The following TMEM255B variants were observed in gnomAD, a reference collection of about 807,000 sequenced individuals.
TMEM255B encodes the protein transmembrane protein 255B.
TMEM255B carries 35 observed loss-of-function variants against 34.5 expected under a neutral mutation model. The ratio of observed to expected loss-of-function variants is 1.01; its 90% CI spans 0.77 to 1.34. The LOEUF is 1.34. Among genes scored for constraint, TMEM255B ranks in the 40% most tolerant of loss-of-function variants. The pLI, the probability that TMEM255B is intolerant of heterozygous loss-of-function variation, is 0.00. For synonymous variants in TMEM255B, 206 were observed against 201.2 expected (o/e 1.02, Z -0.20); for missense variants, 432 against 433.2 (o/e 1.00, Z 0.02).
chr13:113,790,656 G>A (rs111759234), intron 3 of TMEM255B, among the ~76,000 whole-genome samples: 1 of 142,760 alleles, frequency 7.0e-6, no homozygotes, highest in Non-Finnish European at 1.5e-5. Flanking sequence ...TGGACTGACC[G>A]GACACGTGGA....
chr13:113,812,217 T>G lies in TMEM255B; in HGVS notation c.*314T>G. The G allele has an allele frequency of 2.5e-6, 1 of 393,938 alleles. No individual in the cohort carries two copies. The highest frequency in any genetic ancestry group is 5.1e-5 in the East Asian group (1 of 19,578). 24.4% of individuals were successfully genotyped at this position (393,938 alleles called of 1,614,324 possible). On this transcript the variant is annotated 3_prime_UTR_variant, in exon 9 of 9. Coordinates refer to ENST00000375353, the MANE Select transcript of TMEM255B (RefSeq NM_182614.4). ...TTCACATCCCTTAATTAATTAGCTA[T>G]TATTATGATTTTGCAAAGACAGTGC...
chr13:113,789,483 G>A (rs545438403), intron 3 of TMEM255B, among the ~76,000 whole-genome samples: 1 of 152,338 alleles, frequency 6.6e-6, no homozygotes, highest in Non-Finnish European at 1.5e-5. Flanking sequence ...GAGAAAAGTC[G>A]TGACAGAGCC....
intron 7 of TMEM255B, 56 bp downstream of exon 7, chr13:113,801,868 A>G (rs542035464): frequency 1.3e-6 from 2 of 1,498,004 alleles, no homozygotes; most frequent in East Asian, 4.9e-5. Flanking sequence ...CTCCGGGTCC[A>G]TTTCCCCGGG....
chr13:113,802,145 C>T lies in TMEM255B; in HGVS notation c.669+333C>T, dbSNP rs183348726. 7.2e-5 allele frequency among the ~76,000 whole-genome samples: 11 copies of T among 152,344 alleles called. No individual in the cohort carries two copies. The East Asian group carries it at 2.1e-3, about 29-fold the overall frequency. ...CATCATTAGCAACTGCCTGGGGCTTCAGATGGGCAGGTCTGGGCTGGGGCT... is the reference window on the plus strand; with the variant it reads ...CATCATTAGCAACTGCCTGGGGCTTTAGATGGGCAGGTCTGGGCTGGGGCT... On this transcript the variant is annotated intron_variant, in intron 7 of 8. Transcript: ENST00000375353.
In TMEM255B at chr13:113,811,852, C is replaced by T. The variant is rs551269687; in HGVS notation, c.930C>T (p.Tyr310=). The change falls in exon 9 of 9, where the codon TAC becomes TAT. Residue 310 remains tyrosine, a synonymous_variant. Coordinates refer to ENST00000375353, the MANE Select transcript of TMEM255B (RefSeq NM_182614.4). ...TTCCCGGCCAGGCTCCACCGTGCTACGCACCCACCTACTTTCCCCCGGGGG... is the reference window on the plus strand; with the variant it reads ...TTCCCGGCCAGGCTCCACCGTGCTATGCACCCACCTACTTTCCCCCGGGGG... The part of the protein sequence containing the change: ...SGLPGQAPPC[Y]APTYFPPGEK... The T allele has an allele frequency of 3.1e-5, 50 of 1,613,840 alleles. No individual in the cohort carries two copies. The highest frequency in any genetic ancestry group is 2.7e-4 in the East Asian group (12 of 44,886).
rs1028360664 is a variant in TMEM255B at position 113,770,669 on chromosome 13, C to G, written c.252+1509C>G. 1.9e-4 allele frequency among the ~76,000 whole-genome samples: 29 copies of G among 152,180 alleles called. No individual in the cohort carries two copies. The highest frequency in any genetic ancestry group is 6.5e-4 in the African/African-American group (27 of 41,448). Reference sequence around the variant, plus strand: ...CCGGCATTTCCTCTCCCACCCACCCCCTGTTGTTGGCTCCCGAGGGTGGGC... The same window carrying G: ...CCGGCATTTCCTCTCCCACCCACCCGCTGTTGTTGGCTCCCGAGGGTGGGC... On this transcript the variant is annotated intron_variant, in intron 3 of 8. Transcript: ENST00000375353. This position sits in a 1 kb window ranked among gnomAD's most constrained non-coding sequence, Gnocchi z 4.6.
rs562877947 is a variant in TMEM255B at position 113,806,185 on chromosome 13, C to T, written c.813+1157C>T. Among the ~76,000 whole-genome samples the T allele has an allele frequency of 3.3e-5, 5 of 152,270 alleles. No individual in the cohort carries two copies. The highest frequency in any genetic ancestry group is 2.1e-4 in the South Asian group (1 of 4,826). ...AGGACAGAGAGGGCTCAGGTTTGAG[C>T]GGGGCCCGAGAGCCACGACCTTCTC... is the stretch of plus-strand genomic sequence containing the variant. On this transcript the variant is annotated intron_variant, in intron 8 of 8. Coordinates refer to ENST00000375353, the MANE Select transcript of TMEM255B (RefSeq NM_182614.4). The surrounding 1 kb of genome is among the most constrained non-coding windows in gnomAD (Gnocchi z 4.2).
chr13:113,762,059 C>T (rs1046732577), intron 1 of TMEM255B, among the ~76,000 whole-genome samples: 4 of 149,804 alleles, frequency 2.7e-5, no homozygotes, highest in Admixed American at 2.0e-4. Flanking sequence ...CACTTAGGAG[C>T]ACTTTAATTT....
chr13:113,765,285 T>G (rs899865229), intron 1 of TMEM255B, among the ~76,000 whole-genome samples: 2 of 152,210 alleles, frequency 1.3e-5, no homozygotes, highest in Non-Finnish European at 2.9e-5. Context: ...TATAGTTTTG[T>G]GAAACTCATT....
At chr13:113,787,613 T>G (rs570288153) in intron 3 of TMEM255B, among the ~76,000 whole-genome samples, 66 of 152,160 alleles carry the variant, frequency 4.3e-4, no homozygotes, top group African/African-American at 1.6e-3. Flanking sequence ...AGGTCAGACG[T>G]GAAGAAGGGA....
At chr13:113,793,682 C>T (rs1313197353) in intron 3 of TMEM255B, among the ~76,000 whole-genome samples, 1 of 152,248 alleles carries the variant, frequency 6.6e-6, no homozygotes, top group Non-Finnish European at 1.5e-5. Context: ...CCCCAGTTGA[C>T]AGCTCTTCCT....
At chr13:113,768,947 G>A (rs1287135939) in intron 2 of TMEM255B, 151 bp from the exon 3 acceptor site, 2 of 784,522 alleles carry the variant, frequency 2.5e-6, no homozygotes, top group Admixed American at 2.0e-5. Flanking sequence ...CGCACCTGCT[G>A]CTCAGTGGTT....
rs2050436193 is a variant in TMEM255B at position 113,769,029 on chromosome 13, T to G, written c.190-69T>G. 1.3e-6 allele frequency: 2 copies of G among 1,570,424 alleles called. No homozygotes were observed. Among genetic ancestry groups the G allele is most frequent in the Admixed American group, 3.4e-5 (2 of 59,678 alleles). On this transcript the variant is annotated intron_variant, in intron 2 of 8. Coordinates refer to ENST00000375353, the MANE Select transcript of TMEM255B (RefSeq NM_182614.4). This position sits in a 1 kb window ranked among gnomAD's most constrained non-coding sequence, Gnocchi z 4.2. ...GCCTTTGAGGGCGGGATTATTTGCT[T>G]TAAATGTCAGTGTTAAGCTTCTAGG...
intron 1 of TMEM255B, 123 bp from the exon 2 acceptor site, chr13:113,765,992 G>A: frequency 7.6e-7 from 1 of 1,312,208 alleles, no homozygotes; most frequent in Non-Finnish European, 1.0e-6. Flanking sequence ...GGTGGGCCTG[G>A]AGGCAGGCGG....
Position 113,813,908 on chromosome 13 carries a change from G to A in TMEM255B, c.*2005G>A, listed in dbSNP as rs530190893. 3.3e-5 allele frequency: 5 copies of A among 152,332 alleles called. No individual in the cohort carries two copies. The highest frequency in any genetic ancestry group is 7.2e-5 in the African/African-American group (3 of 41,568). 9.4% of individuals were successfully genotyped at this position (152,332 alleles called of 1,614,324 possible). A position where few individuals can be genotyped will look rare whatever the true frequency, so the allele number is the denominator to read the frequency against. ...TGCGGCGTCCTGTCTGGAAATCACC[G>A]CCCAGTTCCTCCAGGGCTGTGGGTG... is the stretch of plus-strand genomic sequence containing the variant. On this transcript the variant is annotated 3_prime_UTR_variant, in exon 9 of 9. Coordinates refer to ENST00000375353, the MANE Select transcript of TMEM255B (RefSeq NM_182614.4).
At chr13:113,761,062 G>A (rs2050300281) in intron 1 of TMEM255B, 1 of 464,454 alleles carries the variant, frequency 2.2e-6, no homozygotes, top group Non-Finnish European at 2.8e-6. Flanking sequence ...ACTACCCTGG[G>A]CATGTGTAAA....
chr13:113,768,269 G>C (rs927441994), intron 2 of TMEM255B: 1 of 467,200 alleles, frequency 2.1e-6, no homozygotes, highest in South Asian at 1.6e-5. Flanking sequence ...ATTTTCGGTG[G>C]GTGTTGCTGA....
intron 3 of TMEM255B, among the ~76,000 whole-genome samples, chr13:113,772,688 G>C (rs1385801628): frequency 6.6e-6 from 1 of 152,172 alleles, no homozygotes; most frequent in Admixed American, 6.5e-5. Flanking sequence ...GAATGGTCTT[G>C]GCACCCTTGT....
chr13:113,766,009 T>C, intron 1 of TMEM255B, 106 bp from the exon 2 acceptor site: 3 of 1,466,334 alleles, frequency 2.0e-6, no homozygotes, highest in Non-Finnish European at 2.8e-6. Context: ...GCGGGGATAG[T>C]GCATCCCAGG....
Sources: allele counts gnomAD v4.1 joint callset (sites outside exome capture counted in the v4.1 genomes callset), GRCh38; gene constraint gnomAD v4.1.1; non-coding constraint Gnocchi (gnomAD v3.1); transcripts MANE v1.5; gene names NCBI Gene and HGNC (gene_info 2026-07-23, HGNC 2026-07-21).